HMGXB4: variants seen among roughly 807,000 people sequenced by gnomAD.
The protein encoded by HMGXB4 is HMG-box containing 4, also known as HMG domain-containing protein 4.
A neutral mutation model predicts 63.9 loss-of-function variants in HMGXB4; 27 were observed. That is an observed-to-expected ratio of 0.42 (90% CI 0.31 to 0.58). HMGXB4 has a LOEUF of 0.58. Among genes scored for constraint, HMGXB4 ranks in the 20% least tolerant of loss-of-function variants. The pLI is 0.13. For synonymous variants in HMGXB4, 264 were observed against 265.3 expected (o/e 0.99, Z 0.05); for missense variants, 624 against 700.7 (o/e 0.89, Z 1.24).
At chr22:35,266,787 G>A (rs554760308) in intron 5 of HMGXB4, among the ~76,000 whole-genome samples, 4 of 152,130 alleles carry the variant, frequency 2.6e-5, no homozygotes, top group South Asian at 2.1e-4. Context: ...GTTCGGGACC[G>A]GCCTGGGCAA....
chr22:35,264,523 G>A, intron 4 of HMGXB4, 125 bp from the exon 5 acceptor site: 1 of 698,514 alleles, frequency 1.4e-6, no homozygotes, highest in Non-Finnish European at 2.4e-6. Flanking sequence ...TCAGTTAAAG[G>A]GTCTCCCTTC....
chr22:35,264,867 C>A lies in HMGXB4; in HGVS notation c.479C>A (p.Pro160His). 6.2e-7 allele frequency: 1 copy of A among 1,613,924 alleles called. No homozygotes were observed. Among genetic ancestry groups the A allele is most frequent in the Non-Finnish European group, 8.5e-7 (1 of 1,179,924 alleles). ...GTCAGTGGAAGCAGTGGGGAACTAC[C>A]CCTAGAGGATGGTGGCTCCCACAAA... ...KKVSGSSGEL[P>H]LEDGGSHKSK... The change falls in exon 5 of 11, where the codon CCC becomes CAC. Residue 160 changes from proline (P) to histidine (H), a missense_variant. By Grantham distance (77) the Pro-to-His change is moderately conservative. Coordinates refer to ENST00000216106, the MANE Select transcript of HMGXB4 (RefSeq NM_001003681.3).
intron 5 of HMGXB4, among the ~76,000 whole-genome samples, chr22:35,269,196 G>A (rs1923449192): frequency 6.6e-6 from 1 of 152,168 alleles, no homozygotes; most frequent in Non-Finnish European, 1.5e-5. Flanking sequence ...GGCCAACATG[G>A]TGAAACCCCC....
At chr22:35,246,925 A>T in the HMGXB4 span, among the ~76,000 whole-genome samples, 2 of 152,210 alleles carry the variant, frequency 1.3e-5, no homozygotes, top group Non-Finnish European at 2.9e-5. Flanking sequence ...CCTGCTCGGC[A>T]CACTTAATCT....
At chr22:35,280,247 A>G (rs750093003) in intron 5 of HMGXB4, among the ~76,000 whole-genome samples, 9 of 152,190 alleles carry the variant, frequency 5.9e-5, no homozygotes, top group Non-Finnish European at 1.3e-4. Flanking sequence ...GCTTACCACA[A>G]AAATAACATT....
Position 35,263,863 on chromosome 22 carries a change from A to C in HMGXB4, c.248A>C (p.Tyr83Ser), listed in dbSNP as rs1472033178. Residue 83 changes from tyrosine (Y) to serine (S), a missense_variant, in exon 4 of 11, where the codon TAC becomes TCC. Physicochemically the swap from Tyr to Ser is moderately radical, Grantham distance 144. Coordinates refer to ENST00000216106, the MANE Select transcript of HMGXB4 (RefSeq NM_001003681.3). Reference protein sequence around the residue: ...KKKRKHSSDDYYYGDISSLES... With the variant: ...KKKRKHSSDDSYYGDISSLES... ...AAGAGGAAGCACTCCTCTGATGATTACTACTATGGAGGTGAGGATGGGAAT... is the reference window on the plus strand; with the variant it reads ...AAGAGGAAGCACTCCTCTGATGATTCCTACTATGGAGGTGAGGATGGGAAT... 1 of 1,613,238 alleles carries C rather than the reference A, an allele frequency of 6.2e-7. No homozygotes were observed. The highest frequency in any genetic ancestry group is 1.3e-5 in the African/African-American group (1 of 74,922).
At chr22:35,261,432 T>C (rs1922849461) in intron 1 of HMGXB4, among the ~76,000 whole-genome samples, 1 of 108,476 alleles carries the variant, frequency 9.2e-6, no homozygotes, top group African/African-American at 2.8e-5. Flanking sequence ...CAAGACTCTA[T>C]CTCAAAAAAA....
At chr22:35,251,137 C>T in the HMGXB4 span, among the ~76,000 whole-genome samples, 3 of 151,388 alleles carry the variant, frequency 2.0e-5, no homozygotes, top group Non-Finnish European at 2.9e-5. Context: ...TGCAGTGGCG[C>T]GATCTTGGCT....
chr22:35,284,834 G>A (rs990729336), intron 6 of HMGXB4, among the ~76,000 whole-genome samples: 13 of 152,154 alleles, frequency 8.5e-5, no homozygotes, highest in African/African-American at 2.4e-4. Flanking sequence ...TCACTTAACC[G>A]CTACAAATTT....
intron 5 of HMGXB4, among the ~76,000 whole-genome samples, chr22:35,279,750 TTTC>T (rs1924134449): frequency 6.6e-6 from 1 of 151,226 alleles, no homozygotes; most frequent in East Asian, 1.9e-4. Context: ...AATACTATCT[TTTC>T]TTCATTGTAT....
intron 7 of HMGXB4, among the ~76,000 whole-genome samples, chr22:35,286,677 C>T (rs1198173695): frequency 6.6e-6 from 1 of 151,950 alleles, no homozygotes; most frequent in Admixed American, 6.6e-5. Flanking sequence ...GGTGAAACCC[C>T]ATTTCTACTA....
intron 1 of HMGXB4, among the ~76,000 whole-genome samples, chr22:35,261,090 A>G (rs180687510): frequency 6.6e-6 from 1 of 152,360 alleles, no homozygotes; most frequent in Admixed American, 6.5e-5. Context: ...TTTAATATGT[A>G]ATTTTAAAAT....
chr22:35,264,478 A>G (rs1923061209), intron 4 of HMGXB4, among the ~76,000 whole-genome samples, 170 bp from the exon 5 acceptor site: 1 of 152,218 alleles, frequency 6.6e-6, no homozygotes, highest in African/African-American at 2.4e-5. Flanking sequence ...TACCAAGCCA[A>G]GAAGCACAAG....
chr22:35,271,691 C>T (rs1225833581), intron 5 of HMGXB4, among the ~76,000 whole-genome samples: 4 of 152,136 alleles, frequency 2.6e-5, no homozygotes, highest in Non-Finnish European at 2.9e-5. Context: ...CGCTCTGGGA[C>T]GCCACATCAG....
chr22:35,284,079 C>T, intron 6 of HMGXB4, 36 bp downstream of exon 6: 1 of 1,392,920 alleles, frequency 7.2e-7, no homozygotes, highest in South Asian at 1.2e-5. Flanking sequence ...CTTTTGCTTT[C>T]CATTTATATC....
At chr22:35,252,953 G>A (rs1376779474), upstream of HMGXB4, among the ~76,000 whole-genome samples, 1 of 152,024 alleles carries the variant, frequency 6.6e-6, no homozygotes, top group Non-Finnish European at 1.5e-5. Flanking sequence ...GCCAACATGT[G>A]AAACCCCATC....
At chr22:35,263,604 A>G (rs545364804) in intron 3 of HMGXB4, among the ~76,000 whole-genome samples, 192 bp from the exon 4 acceptor site, 4 of 152,182 alleles carry the variant, frequency 2.6e-5, no homozygotes, top group African/African-American at 4.8e-5. Flanking sequence ...ACTTCTTACC[A>G]TATTTCCTAA....
chr22:35,245,154 G>A, the HMGXB4 span, among the ~76,000 whole-genome samples: 1 of 152,150 alleles, frequency 6.6e-6, no homozygotes, highest in African/African-American at 2.4e-5. Context: ...CTACAGCTGT[G>A]AGCCACTGCA....
At chr22:35,277,129 G>A (rs1021692359) in intron 5 of HMGXB4, among the ~76,000 whole-genome samples, 1 of 152,106 alleles carries the variant, frequency 6.6e-6, no homozygotes, top group African/African-American at 2.4e-5. Context: ...TCAGGGTCTC[G>A]CAAGACTGAA....
Sources: allele counts gnomAD v4.1 joint callset (sites outside exome capture counted in the v4.1 genomes callset), GRCh38; gene constraint gnomAD v4.1.1; transcripts MANE v1.5; gene names NCBI Gene and HGNC (gene_info 2026-07-23, HGNC 2026-07-21).